TIMP3: variants seen among roughly 807,000 people sequenced by gnomAD.
TIMP3 encodes metalloproteinase inhibitor 3.
Under a neutral mutation model 30.0 loss-of-function variants are expected in TIMP3, and 11 were observed. The ratio of observed to expected loss-of-function variants is 0.37; its 90% CI spans 0.23 to 0.61. TIMP3 has a LOEUF of 0.61. Among genes scored for constraint, TIMP3 ranks in the 20% least tolerant of loss-of-function variants. The probability of loss-of-function intolerance (pLI) is 0.70; values close to 1 mark genes in which losing one functional copy is unlikely to be tolerated. For synonymous variants in TIMP3, 112 were observed against 111.3 expected, an observed-to-expected ratio of 1.01 and a Z score of -0.04; for missense variants, 181 against 276.8, an observed-to-expected ratio of 0.65 and a Z score of 2.45.
chr22:32,825,731 T>C (rs1365277122), intron 1 of TIMP3, among the ~76,000 whole-genome samples: 1 of 126,200 alleles, frequency 7.9e-6, no homozygotes, highest in Admixed American at 8.9e-5. Flanking sequence ...ATATATATAA[T>C]ACATATTTAT....
intron 1 of TIMP3, among the ~76,000 whole-genome samples, chr22:32,814,358 A>AAAGG (rs2047032553): frequency 2.2e-5 from 2 of 92,430 alleles, no homozygotes; most frequent in South Asian, 3.5e-4. Flanking sequence ...AGAGAGAAAG[A>AAAGG]AAGAAAGAAA....
At chr22:32,822,155 CAAAA>C (rs35312009) in intron 1 of TIMP3, among the ~76,000 whole-genome samples, 1 of 108,282 alleles carries the variant, frequency 9.2e-6, no homozygotes, top group Non-Finnish European at 1.8e-5. Flanking sequence ...AACTCCATCT[CAAAA>C]AAAAAAAAAA....
In TIMP3 at chr22:32,858,050, T is replaced by C; in HGVS notation, c.350T>C (p.Leu117Pro). The C allele has an allele frequency of 1.9e-6, 3 of 1,614,170 alleles. No individual in the cohort carries two copies. The highest frequency in any genetic ancestry group is 2.5e-6 in the Non-Finnish European group (3 of 1,180,018). ...RVYDGKMYTG[L>P]CNFVERWDQL... ...TATGATGGCAAGATGTACACGGGGC[T>C]GTGCAACTTCGTGGAGAGGTGGGAC... The change falls in exon 4 of 5, where the codon CTG becomes CCG. Residue 117 changes from leucine to proline, a missense_variant. By Grantham distance (98) the Leu-to-Pro change is moderately conservative. Around this residue, in one of 3 missense-constraint regions of TIMP3, gnomAD observed 63 missense variants for 133.3 expected, o/e 0.47. Transcript: ENST00000266085.
At chr22:32,836,800 T>G in intron 1 of TIMP3, among the ~76,000 whole-genome samples, 1 of 152,186 alleles carries the variant, frequency 6.6e-6, no homozygotes, top group East Asian at 1.9e-4. Context: ...GAGGAAAGCC[T>G]ACACTATTTT....
chr22:32,848,164 A>C (rs1215879929), intron 1 of TIMP3, among the ~76,000 whole-genome samples: 1 of 152,250 alleles, frequency 6.6e-6, no homozygotes, highest in East Asian at 1.9e-4. Flanking sequence ...AGAATCTAAA[A>C]GTCAAGTCCT....
chr22:32,861,180 A>G lies in TIMP3; in HGVS notation c.*1803A>G, dbSNP rs970367590. ...CTGCCAATTGAAACAGAAGAAGAAA[A>G]AAAAAAAAAGCAGCAGACAACACAC... On this transcript the variant is annotated 3_prime_UTR_variant, in exon 5 of 5. Transcript: ENST00000266085. The G allele has an allele frequency of 3.3e-5, 5 of 152,294 alleles. No individual in the cohort carries two copies. Among genetic ancestry groups the G allele is most frequent in the African/African-American group, 7.2e-5 (3 of 41,492 alleles). The allele number at this position is 152,294 out of a possible 1,614,324, so 9.4% of individuals were successfully genotyped here.
chr22:32,805,894 T>G (rs1156892183), intron 1 of TIMP3, among the ~76,000 whole-genome samples: 1 of 151,992 alleles, frequency 6.6e-6, no homozygotes, highest in Non-Finnish European at 1.5e-5. Context: ...AATATGAAGA[T>G]AGCCAAAATG....
At chr22:32,847,296 G>A (rs972542122) in intron 1 of TIMP3, among the ~76,000 whole-genome samples, 2 of 152,158 alleles carry the variant, frequency 1.3e-5, no homozygotes, top group Admixed American at 6.5e-5. Flanking sequence ...GAATACTACC[G>A]CAATGTTAGA....
At chr22:32,816,443 G>A (rs1208098888) in intron 1 of TIMP3, among the ~76,000 whole-genome samples, 1 of 152,170 alleles carries the variant, frequency 6.6e-6, no homozygotes, top group East Asian at 1.9e-4. Context: ...TTTGGACTGA[G>A]GTTATATGAG....
intron 1 of TIMP3, among the ~76,000 whole-genome samples, chr22:32,834,012 G>A (rs1438038178): frequency 6.6e-5 from 10 of 152,154 alleles, no homozygotes; most frequent in South Asian, 2.1e-4. Flanking sequence ...TTGACCAAAT[G>A]TGTTCATCCC....
At position 32,837,298 on chromosome 22, in the gene TIMP3, G is replaced by A. The variant is rs2047760102; in HGVS notation, c.122-12154G>A. ...AAAGTTTCCCATGGGCCCCCGTGGA[G>A]AGGCTGGAGCACTCTCAGGGGATAG... On this transcript the variant is annotated intron_variant, in intron 1 of 4. Coordinates refer to ENST00000266085, the MANE Select transcript of TIMP3 (RefSeq NM_000362.5). This position sits in a 1 kb window ranked among gnomAD's most constrained non-coding sequence, Gnocchi z 4.1. Among the ~76,000 whole-genome samples, 1 of 152,224 alleles carries A rather than the reference G, an allele frequency of 6.6e-6. No individual in the cohort carries two copies. The highest frequency in any genetic ancestry group is 2.1e-4 in the South Asian group (1 of 4,832).
intron 1 of TIMP3, among the ~76,000 whole-genome samples, chr22:32,834,918 A>G (rs242075): frequency 0.49 from 74,365 of 152,034 alleles, 18,546 homozygotes; most frequent in Admixed American, 0.6. Flanking sequence ...GGAACTGGAC[A>G]TTCCCTTCAG....
In TIMP3 at chr22:32,860,924, T is replaced by TTTTA; in HGVS notation, c.*1550_*1551insATTT. On this transcript the variant is annotated 3_prime_UTR_variant, in exon 5 of 5. Transcript: ENST00000266085. ...AGGGTTTCTGTTGTGTTTTTTTTTT[T>TTTTA]TTTTTTGAAATAAAACTATAATATA... is the stretch of plus-strand genomic sequence containing the variant. 1 of 151,558 alleles carries TTTTA rather than the reference T, an allele frequency of 6.6e-6. No individual in the cohort carries two copies. The highest frequency in any genetic ancestry group is 2.1e-4 in the South Asian group (1 of 4,808). The allele number at this position is 151,558 out of a possible 1,614,324, so 9.4% of individuals were successfully genotyped here.
intron 1 of TIMP3, among the ~76,000 whole-genome samples, chr22:32,804,940 G>A (rs1339139058): frequency 2.0e-5 from 3 of 152,120 alleles, no homozygotes; most frequent in South Asian, 2.1e-4. Context: ...AGGCGGCCTC[G>A]GCCCGGGCAA....
At chr22:32,824,612 T>A (rs1303238590) in intron 1 of TIMP3, among the ~76,000 whole-genome samples, 7 of 152,188 alleles carry the variant, frequency 4.6e-5, no homozygotes, top group African/African-American at 1.7e-4. Flanking sequence ...CTCAGGCTGG[T>A]TAGAGGCATG....
chr22:32,802,082 G>T lies in TIMP3; in HGVS notation c.81G>T (p.Ser27=). The T allele has an allele frequency of 1.3e-6, 2 of 1,578,438 alleles. No homozygotes were observed. Among genetic ancestry groups the T allele is most frequent in the Non-Finnish European group, 1.7e-6 (2 of 1,167,182 alleles). The part of the protein sequence containing the change: ...GDWGAEACTC[S]PSHPQDAFCN... ...GGGGCGCCGAGGCGTGCACATGCTC[G>T]CCCAGCCACCCCCAGGACGCCTTCT... Residue 27 remains serine (S), a synonymous_variant, in exon 1 of 5, where the codon TCG becomes TCT. Coordinates refer to ENST00000266085, the MANE Select transcript of TIMP3 (RefSeq NM_000362.5).
At chr22:32,820,109 G>A (rs1220568820) in intron 1 of TIMP3, among the ~76,000 whole-genome samples, 15 of 151,956 alleles carry the variant, frequency 9.9e-5, no homozygotes, top group South Asian at 4.2e-4. Flanking sequence ...TGTAGGTGTC[G>A]TTCCTGGCTC....
intron 1 of TIMP3, among the ~76,000 whole-genome samples, chr22:32,830,483 TGC>T (rs2047540642): frequency 1.3e-5 from 2 of 152,198 alleles, no homozygotes; most frequent in Admixed American, 6.5e-5. Flanking sequence ...TTGCCCTGTG[TGC>T]CCCTCTTTCA....
At chr22:32,811,262 G>T (rs556819830) in intron 1 of TIMP3, among the ~76,000 whole-genome samples, 26 of 152,164 alleles carry the variant, frequency 1.7e-4, no homozygotes, top group South Asian at 4.1e-4. Context: ...CAAAGACTCA[G>T]GTGGAGAGGT....
Sources: gnomAD v4.1 joint callset for allele counts (sites outside exome capture counted in the v4.1 genomes callset) on GRCh38, gnomAD v4.1.1 for gene constraint, gnomAD v4.1.1 regional missense constraint, Gnocchi (gnomAD v3.1) non-coding constraint, MANE v1.5 for transcripts, NCBI Gene and HGNC (gene_info 2026-07-23, HGNC 2026-07-21) for gene names.